Variants in CACNB4 observed in about 807,000 individuals in gnomAD.
CACNB4 encodes voltage-dependent L-type calcium channel subunit beta-4.
Under a neutral mutation model 71.2 loss-of-function variants are expected in CACNB4, and 32 were observed. The ratio of observed to expected loss-of-function variants is 0.45; its 90% CI spans 0.34 to 0.60. The LOEUF (loss-of-function observed/expected upper bound fraction) is 0.60. Ranked by LOEUF, CACNB4 falls within the 20% of genes least tolerant of loss-of-function variation. The probability of loss-of-function intolerance (pLI) is 0.01; values close to 1 mark genes in which losing one functional copy is unlikely to be tolerated. For missense variants in CACNB4, 464 were observed against 647.9 expected, an observed-to-expected ratio of 0.72 and a Z score of 3.08; for synonymous variants, 231 against 236.9, an observed-to-expected ratio of 0.97 and a Z score of 0.23.
At chr2:151,896,789 GA>G (rs1396550560) in intron 2 of CACNB4, among the ~76,000 whole-genome samples, 1 of 152,190 alleles carries the variant, frequency 6.6e-6, no homozygotes, top group Non-Finnish European at 1.5e-5. Context: ...ATAGGGTTTT[GA>G]TTGGAATAAA....
At chr2:151,889,376 G>T (rs2099850166) in intron 2 of CACNB4, among the ~76,000 whole-genome samples, 1 of 149,286 alleles carries the variant, frequency 6.7e-6, no homozygotes, top group African/African-American at 2.5e-5. Context: ...TGAGACAGGA[G>T]AATTGTTTGA....
At chr2:151,979,302 T>G (rs748819595) in intron 2 of CACNB4, among the ~76,000 whole-genome samples, 13 of 152,168 alleles carry the variant, frequency 8.5e-5, no homozygotes, top group Non-Finnish European at 1.5e-4. Flanking sequence ...CCTGCCATTC[T>G]TGATGGCTTC....
chr2:151,889,944 A>G (rs939238), intron 2 of CACNB4, among the ~76,000 whole-genome samples: 142,209 of 152,210 alleles, frequency 0.93, 67,221 homozygotes, highest in East Asian at 1. Context: ...AGTTCTTCTC[A>G]GGTGGTTACT....
chr2:152,084,684 A>C (rs1687551412), intron 2 of CACNB4, among the ~76,000 whole-genome samples: 1 of 152,012 alleles, frequency 6.6e-6, no homozygotes, highest in South Asian at 2.1e-4. Flanking sequence ...ATCATAGCTC[A>C]CTGCAGCCTC....
chr2:151,896,244 T>C lies in CACNB4; in HGVS notation c.148-12874A>G, dbSNP rs925251781. On this transcript the variant is annotated intron_variant, in intron 2 of 13. Transcript: ENST00000539935. ...TTTTTCTCTTTGATCACCAGTCTCC[T>C]AAATTTGTGAAGCCTGTAGGCCTTC... 3.9e-5 allele frequency among the ~76,000 whole-genome samples: 6 copies of C among 152,232 alleles called. No individual in the cohort carries two copies. The East Asian group carries it at 5.8e-4, about 15-fold the overall frequency.
At chr2:151,964,082 A>ATAAAT (rs1471065310) in intron 2 of CACNB4, among the ~76,000 whole-genome samples, 1 of 151,612 alleles carries the variant, frequency 6.6e-6, no homozygotes, top group African/African-American at 2.4e-5. Flanking sequence ...AAAAAAAAAA[A>ATAAAT]AAAAAAAAGA....
intron 2 of CACNB4, among the ~76,000 whole-genome samples, chr2:151,992,421 T>C (rs1681759770): frequency 6.6e-6 from 1 of 152,254 alleles, no homozygotes; most frequent in Non-Finnish European, 1.5e-5. Flanking sequence ...TATTAGTTTA[T>C]CTTACAAGAA....
At chr2:151,927,849 G>A (rs576511431) in intron 2 of CACNB4, among the ~76,000 whole-genome samples, 39 of 152,338 alleles carry the variant, frequency 2.6e-4, no homozygotes, top group Admixed American at 1.4e-3. Context: ...GCACAGTAGC[G>A]GTGAGCTTGA....
At chr2:151,879,658 CT>C (rs2099847331) in intron 4 of CACNB4, 1 of 152,140 alleles carries the variant, frequency 6.6e-6, no homozygotes, top group Admixed American at 6.5e-5. Context: ...TTAGCACTTT[CT>C]ATATCAAAGA....
intron 4 of CACNB4, chr2:151,880,449 G>T: frequency 3.1e-6 from 1 of 320,448 alleles, no homozygotes; most frequent in Admixed American, 5.0e-5. Flanking sequence ...CTTCTGGGTA[G>T]GTGCCATGAC....
intron 2 of CACNB4, among the ~76,000 whole-genome samples, chr2:151,995,821 G>A (rs1579093418): frequency 1.3e-5 from 2 of 152,362 alleles, no homozygotes; most frequent in East Asian, 3.9e-4. Flanking sequence ...ACCTGGTAAA[G>A]CTATCAACTT....
chr2:151,981,107 C>G (rs1046339239), intron 2 of CACNB4, among the ~76,000 whole-genome samples: 5 of 152,126 alleles, frequency 3.3e-5, no homozygotes, highest in Non-Finnish European at 5.9e-5. Context: ...CAGTCCTTCT[C>G]CCATACTTCC....
At chr2:151,959,281 C>G (rs2151690470) in intron 2 of CACNB4, among the ~76,000 whole-genome samples, 1 of 152,336 alleles carries the variant, frequency 6.6e-6, no homozygotes, top group East Asian at 1.9e-4. Context: ...GGAGGTGAGG[C>G]TTTGGGTTCA....
intron 2 of CACNB4, among the ~76,000 whole-genome samples, chr2:151,927,580 A>T (rs1278858569): frequency 6.6e-6 from 1 of 152,208 alleles, no homozygotes; most frequent in African/African-American, 2.4e-5. Context: ...GGTTGTCTAG[A>T]AAAGTAGCAC....
intron 2 of CACNB4, among the ~76,000 whole-genome samples, chr2:152,013,623 A>G (rs368408617): frequency 6.6e-6 from 1 of 152,268 alleles, no homozygotes; most frequent in Admixed American, 6.5e-5. Flanking sequence ...ATCCTGCACA[A>G]AAGCATGCCC....
intron 2 of CACNB4, among the ~76,000 whole-genome samples, chr2:151,964,087 A>AAAAAAAAAAAAAAT (rs1291914342): frequency 6.6e-6 from 1 of 151,006 alleles, no homozygotes; most frequent in African/African-American, 2.4e-5. Flanking sequence ...AAAAAAAAAA[A>AAAAAAAAAAAAAAT]AAAGAATGTT....
At chr2:151,858,910 C>T (rs1385931094) in intron 10 of CACNB4, 2 of 152,188 alleles carry the variant, frequency 1.3e-5, no homozygotes, top group African/African-American at 4.8e-5. Flanking sequence ...CCCCTAGTTC[C>T]TTGTTCATAA....
At chr2:152,001,406 C>CG (rs534894278) in intron 2 of CACNB4, among the ~76,000 whole-genome samples, 1 of 150,802 alleles carries the variant, frequency 6.6e-6, no homozygotes, top group Non-Finnish European at 1.5e-5. Context: ...AAGAACGAGT[C>CG]GGCCAGGCAC....
At chr2:152,009,562 T>G (rs11685477) in intron 2 of CACNB4, among the ~76,000 whole-genome samples, 19,182 of 152,140 alleles carry the variant, frequency 0.13, 1,751 homozygotes, top group African/African-American at 0.27. Context: ...CACAGTTGGT[T>G]GTATATCTAA....
Sources: allele counts gnomAD v4.1 joint callset (sites outside exome capture counted in the v4.1 genomes callset), GRCh38; gene constraint gnomAD v4.1.1; transcripts MANE v1.5; gene names NCBI Gene and HGNC (gene_info 2026-07-23, HGNC 2026-07-21).